MTRF1: variants seen among roughly 807,000 people sequenced by gnomAD.
MTRF1 encodes peptide chain release factor 1, mitochondrial.
In MTRF1, 51 loss-of-function variants were observed where a neutral mutation model predicts 62.9. The observed-to-expected ratio is 0.81, with a 90% CI of 0.65 to 1.02. The LOEUF (loss-of-function observed/expected upper bound fraction) is 1.02. Ranked by LOEUF, MTRF1 falls within the 50% of genes least tolerant of loss-of-function variation. The pLI is 0.00. For missense variants in MTRF1, 446 were observed against 530.0 expected (o/e 0.84, Z 1.56); for synonymous variants, 158 against 181.9 (o/e 0.87, Z 1.06).
the MTRF1 span, among the ~76,000 whole-genome samples, chr13:41,311,917 G>T: frequency 1.3e-5 from 2 of 152,238 alleles, no homozygotes; most frequent in Non-Finnish European, 2.9e-5. Context: ...CGCCGGGCTC[G>T]CAGCAGCCCC....
intron 7 of MTRF1, among the ~76,000 whole-genome samples, chr13:41,230,346 C>T (rs970454232): frequency 6.6e-6 from 1 of 151,316 alleles, no homozygotes; most frequent in African/African-American, 2.4e-5. Context: ...TTCACTGCAA[C>T]CTCTGCCTCC....
chr13:41,261,867 A>C (rs1040677287), intron 1 of MTRF1: 50 of 792,882 alleles, frequency 6.3e-5, no homozygotes, highest in Non-Finnish European at 7.3e-5. Flanking sequence ...CCAAGAAAGT[A>C]GGGCTGGTGA....
At chr13:41,233,715 G>A (rs890865702) in intron 7 of MTRF1, among the ~76,000 whole-genome samples, 175 bp downstream of exon 7, 2 of 152,142 alleles carry the variant, frequency 1.3e-5, no homozygotes, top group Non-Finnish European at 2.9e-5. Flanking sequence ...TTTCAGAAAG[G>A]AATCTTTCCA....
At chr13:41,240,065 A>C (rs2037260011) in intron 6 of MTRF1, among the ~76,000 whole-genome samples, 196 bp downstream of exon 6, 1 of 151,996 alleles carries the variant, frequency 6.6e-6, no homozygotes, top group Non-Finnish European at 1.5e-5. Flanking sequence ...CAGCAGGCTG[A>C]GGCAGGAGAA....
the MTRF1 span, among the ~76,000 whole-genome samples, chr13:41,310,576 A>G: frequency 6.6e-6 from 1 of 152,230 alleles, no homozygotes; most frequent in African/African-American, 2.4e-5. Flanking sequence ...AGGCTGAGGC[A>G]GGAGAATCCT....
At chr13:41,311,686 C>T in the MTRF1 span, 1 of 1,026,472 alleles carries the variant, frequency 9.7e-7, no homozygotes. Context: ...TTGGCCTCCG[C>T]TGCCCACCGC....
intron 1 of MTRF1, 93 bp downstream of exon 1, chr13:41,263,392 G>T: frequency 1.2e-6 from 1 of 822,138 alleles, no homozygotes; most frequent in Non-Finnish European, 1.8e-6. Flanking sequence ...AGCAGCACGG[G>T]CAAACCATGC....
chr13:41,231,856 T>C (rs1260748967), intron 7 of MTRF1, among the ~76,000 whole-genome samples: 2 of 134,964 alleles, frequency 1.5e-5, no homozygotes, highest in Non-Finnish European at 3.1e-5. Flanking sequence ...GCTTGGGCAA[T>C]GTGGAGAAAC....
rs534719278 is a variant in MTRF1 at position 41,234,990 on chromosome 13, T to C, written c.871-983A>G. 2.6e-5 allele frequency: 4 copies of C among 152,344 alleles called. No homozygotes were observed. In the East Asian group the frequency reaches 7.7e-4, roughly 29 times the overall value. The allele number at this position is 152,344 out of a possible 1,614,324, so 9.4% of individuals were successfully genotyped here. ...CACTCCTGAGCCTCGTTTTCTCTTT[T>C]GTAAAGTATAGAGAATCTACCAGGA... On this transcript the variant is annotated intron_variant, in intron 6 of 9. Coordinates refer to ENST00000379480, the MANE Select transcript of MTRF1 (RefSeq NM_004294.4).
chr13:41,308,011 A>G, the MTRF1 span, among the ~76,000 whole-genome samples: 1 of 152,028 alleles, frequency 6.6e-6, no homozygotes, highest in Admixed American at 6.6e-5. Context: ...TCCCTGGGAG[A>G]TGCTGGCACG....
chr13:41,230,921 C>T (rs1345603609), intron 7 of MTRF1, among the ~76,000 whole-genome samples: 2 of 152,026 alleles, frequency 1.3e-5, no homozygotes, highest in African/African-American at 4.8e-5. Flanking sequence ...GACAGGGTTT[C>T]ACCATTTTGG....
intron 3 of MTRF1, 91 bp downstream of exon 3, chr13:41,254,438 G>A (rs1242913609): frequency 1.2e-6 from 1 of 803,182 alleles, no homozygotes; most frequent in African/African-American, 1.7e-5. Flanking sequence ...AACAGTGTTT[G>A]GAAACCACTA....
intron 1 of MTRF1, chr13:41,261,866 T>A (rs761746710): frequency 1.2e-6 from 1 of 803,850 alleles, no homozygotes; most frequent in Non-Finnish European, 1.5e-6. Flanking sequence ...ACCAAGAAAG[T>A]AGGGCTGGTG....
the MTRF1 span, among the ~76,000 whole-genome samples, chr13:41,311,840 C>T: frequency 7.9e-5 from 12 of 152,232 alleles, no homozygotes; most frequent in Non-Finnish European, 2.9e-5. Context: ...CCAGAAACTT[C>T]ACGCCGCTCT....
At chr13:41,284,715 G>A in the MTRF1 span, among the ~76,000 whole-genome samples, 6 of 151,966 alleles carry the variant, frequency 3.9e-5, no homozygotes, top group East Asian at 5.8e-4. Context: ...GTGCAGTGGC[G>A]TGATATCAAC....
In MTRF1 at chr13:41,243,246, T is replaced by A. The variant is rs190369583; in HGVS notation, c.698-2813A>T. Among the ~76,000 whole-genome samples the A allele has an allele frequency of 1.9e-3, 290 of 150,606 alleles. 3 individuals carry two copies. Among genetic ancestry groups the A allele is most frequent in the African/African-American group, 6.8e-3 (278 of 41,084 alleles). On this transcript the variant is annotated intron_variant, in intron 5 of 9. Coordinates refer to ENST00000379480, the MANE Select transcript of MTRF1 (RefSeq NM_004294.4). ...AATAAATAAATAAAATTAAAAAAAA[T>A]AAAAATAAAAAAATTAGCCAGGTGT...
intron 5 of MTRF1, among the ~76,000 whole-genome samples, chr13:41,246,457 T>C (rs977938340): frequency 6.6e-5 from 10 of 152,128 alleles, no homozygotes; most frequent in African/African-American, 2.4e-4. Flanking sequence ...TAGACAAAAA[T>C]TGAGTATAGT....
chr13:41,272,618 C>T, the MTRF1 span, among the ~76,000 whole-genome samples: 1 of 152,104 alleles, frequency 6.6e-6, no homozygotes, highest in African/African-American at 2.4e-5. Flanking sequence ...GAAATTAAGA[C>T]CAGCTTATTG....
the MTRF1 span, among the ~76,000 whole-genome samples, chr13:41,273,042 T>C: frequency 6.6e-6 from 1 of 152,062 alleles, no homozygotes; most frequent in Non-Finnish European, 1.5e-5. Context: ...TAGAAGCATC[T>C]ATGGCTGGGC....
Sources: gnomAD v4.1 joint callset for allele counts (sites outside exome capture counted in the v4.1 genomes callset) on GRCh38, gnomAD v4.1.1 for gene constraint, MANE v1.5 for transcripts, NCBI Gene and HGNC (gene_info 2026-07-23, HGNC 2026-07-21) for gene names.